COL7A1: variants seen among roughly 807,000 people sequenced by gnomAD.
COL7A1 encodes the protein collagen alpha-1(VII) chain.
Under a neutral mutation model 456.2 loss-of-function variants are expected in COL7A1, and 296 were observed. The ratio of observed to expected loss-of-function variants is 0.65; its 90% CI spans 0.59 to 0.71. COL7A1 has a LOEUF of 0.71. Among genes scored for constraint, COL7A1 ranks in the 30% least tolerant of loss-of-function variants. COL7A1 has a pLI of 0.00. For synonymous variants in COL7A1, 1,464 were observed against 1,525.9 expected (o/e 0.96, Z 0.95); for missense variants, 3,441 against 4,017.2 (o/e 0.86, Z 3.88).
intron 44 of COL7A1, 41 bp from the exon 45 acceptor site, chr3:48,582,694 A>T (rs2044857397): frequency 6.2e-7 from 1 of 1,608,212 alleles, no homozygotes; most frequent in Non-Finnish European, 8.5e-7. Flanking sequence ...GTGGGTGGGG[A>T]CGGGGGATAT....
Position 48,568,138 on chromosome 3 carries a change from G to A in COL7A1, c.7827C>T (p.Ile2609=). 2.5e-6 allele frequency: 4 copies of A among 1,614,064 alleles called. No individual in the cohort carries two copies. The highest frequency in any genetic ancestry group is 2.2e-5 in the South Asian group (2 of 91,084). ...AGCCAACATCTCCTTTTTCTCCTCG[G>A]ATACCAGGCACTCCATCCTTTCCTG... ...GSPGKDGVPG[I]RGEKGDVGFM... The change falls in exon 106 of 119, where the codon ATC becomes ATT. Residue 2609 remains isoleucine (I), a synonymous_variant. Coordinates refer to ENST00000681320, the MANE Select transcript of COL7A1 (RefSeq NM_000094.4). This position sits in a 1 kb window ranked among gnomAD's most constrained non-coding sequence, Gnocchi z 5.2.
chr3:48,565,648 C>G lies in COL7A1; in HGVS notation c.8428G>C (p.Ala2810Pro), dbSNP rs143995717. 3 of 1,613,750 alleles carry G rather than the reference C, an allele frequency of 1.9e-6. No homozygotes were observed. In the South Asian group the frequency reaches 3.3e-5, roughly 18 times the overall value. The change falls in exon 115 of 119, where the codon GCA becomes CCA. Residue 2810 changes from alanine (A) to proline (P), a missense_variant. Around this residue, in one of 3 missense-constraint regions of COL7A1, gnomAD observed 2,084 missense variants for 2,501.3 expected, o/e 0.83. Transcript: ENST00000681320. This position sits in a 1 kb window ranked among gnomAD's most constrained non-coding sequence, Gnocchi z 4.5. The part of the protein sequence containing the change: ...QHCACQGQFI[A>P]SGSRPLPSYA... ...GAAAACTACTCACGTGATCCAGATGCGATGAACTGGCCCTGGCAGGCTAGA... is the reference window on the plus strand; with the variant it reads ...GAAAACTACTCACGTGATCCAGATGGGATGAACTGGCCCTGGCAGGCTAGA...
chr3:48,578,893 C>G lies in COL7A1; in HGVS notation c.5424+26G>C, dbSNP rs756243841. On this transcript the variant is annotated intron_variant, in intron 63 of 118. Transcript: ENST00000681320. This position sits in a 1 kb window ranked among gnomAD's most constrained non-coding sequence, Gnocchi z 4.7. Reference sequence around the variant, plus strand: ...GAGCTTACGCAGCCCCGAGCCCCCTCTGTCCCAGCATCTCCCCTCACTTAC... The same window carrying G: ...GAGCTTACGCAGCCCCGAGCCCCCTGTGTCCCAGCATCTCCCCTCACTTAC... 1 of 1,611,240 alleles carries G rather than the reference C, an allele frequency of 6.2e-7. No homozygotes were observed. The highest frequency in any genetic ancestry group is 1.1e-5 in the South Asian group (1 of 90,814).
Position 48,584,717 on chromosome 3 carries a change from C to T in COL7A1, c.4047+17G>A. 6.2e-7 allele frequency: 1 copy of T among 1,614,008 alleles called. No individual in the cohort carries two copies. Among genetic ancestry groups the T allele is most frequent in the Non-Finnish European group, 8.5e-7 (1 of 1,180,018 alleles). On this transcript the variant is annotated intron_variant, in intron 35 of 118. Coordinates refer to ENST00000681320, the MANE Select transcript of COL7A1 (RefSeq NM_000094.4). ...TCCCTGGGACATCCCGGCCGCCTCCCTTCCCCCTTCACCTACCGGCTCCCC... is the reference window on the plus strand; with the variant it reads ...TCCCTGGGACATCCCGGCCGCCTCCTTTCCCCCTTCACCTACCGGCTCCCC...
rs369221071 is a variant in COL7A1 at position 48,570,303 on chromosome 3, C to A, written c.7412G>T (p.Arg2471Leu). 6.2e-7 allele frequency: 1 copy of A among 1,613,990 alleles called. No individual in the cohort carries two copies. The highest frequency in any genetic ancestry group is 8.5e-7 in the Non-Finnish European group (1 of 1,179,994). Residue 2471 changes from arginine (R) to leucine (L), a missense_variant, in exon 98 of 119, where the codon CGA (arginine) becomes CTA (leucine). This residue lies in a region of COL7A1 where 2,084 missense variants were observed against 2,501.3 expected (regional missense o/e 0.83). Coordinates refer to ENST00000681320, the MANE Select transcript of COL7A1 (RefSeq NM_000094.4). This position sits in a 1 kb window ranked among gnomAD's most constrained non-coding sequence, Gnocchi z 5.5. ...GDPGVGLPGP[R>L]GERGEPGIRG... ...GATGCCTGGCTCCCCACGCTCGCCT[C>A]GGGGCCCAGGCAGCCCTACTCCAGG...
Position 48,577,059 on chromosome 3 carries a change from A to G in COL7A1, c.5533-32T>C, listed in dbSNP as rs1560221830. On this transcript the variant is annotated intron_variant, in intron 65 of 118. Coordinates refer to ENST00000681320, the MANE Select transcript of COL7A1 (RefSeq NM_000094.4). Reference sequence around the variant, plus strand: ...GCAGAGGACTCACATCAGCCCAAACATTCACTGGTGTCTGGCTGCAAGACA... The same window carrying G: ...GCAGAGGACTCACATCAGCCCAAACGTTCACTGGTGTCTGGCTGCAAGACA... The G allele has an allele frequency of 2.5e-6, 4 of 1,613,674 alleles. No individual in the cohort carries two copies. In the South Asian group the frequency reaches 4.4e-5, roughly 18 times the overall value.
chr3:48,582,784 C>G, intron 44 of COL7A1, 131 bp from the exon 45 acceptor site: 2 of 1,174,810 alleles, frequency 1.7e-6, no homozygotes, highest in South Asian at 1.3e-5. Context: ...AGGGGTAAGA[C>G]TTGGCAGGAG....
At position 48,587,429 on chromosome 3, in the gene COL7A1, G is replaced by A; in HGVS notation, c.2983C>T (p.Pro995Ser). The A allele has an allele frequency of 6.2e-7, 1 of 1,613,236 alleles. No homozygotes were observed. The highest frequency in any genetic ancestry group is 8.5e-7 in the Non-Finnish European group (1 of 1,180,006). The change falls in exon 23 of 119, where the codon CCT becomes TCT. Residue 995 changes from proline to serine, a missense_variant. Physicochemically the swap from Pro to Ser is moderately conservative, Grantham distance 74. This residue lies in a region of COL7A1 where 444 missense variants were observed against 427.6 expected (regional missense o/e 1.04). Coordinates refer to ENST00000681320, the MANE Select transcript of COL7A1 (RefSeq NM_000094.4). The surrounding 1 kb of genome is among the most constrained non-coding windows in gnomAD (Gnocchi z 6.1). ...CTGGCCTCCCCCTCACCCTGGCCAG[G>A]GCCTCTGAGTGGCCGCCAGGATAGG... ...YILSWRPLRG[P>S]GQEVPGSPQT... is the part of the protein sequence containing the mutation.
rs2044586799 is a variant in COL7A1, at chr3:48,579,624, C to A, written c.5199G>T (p.Lys1733Asn). Residue 1733 changes from lysine (K) to asparagine (N), a missense_variant, in exon 59 of 119, where the codon AAG becomes AAT. Lys to Asn is a moderately conservative substitution (Grantham distance 94, BLOSUM62 0). Coordinates refer to ENST00000681320, the MANE Select transcript of COL7A1 (RefSeq NM_000094.4). The surrounding 1 kb of genome is among the most constrained non-coding windows in gnomAD (Gnocchi z 4.4). ...GGGCTCCAGGGAGGCCAGGATCACC[C>A]TTGGGCCCTCGAGGACCCTCTTGTC... The part of the protein sequence containing the change: ...DRGQEGPRGP[K>N]GDPGLPGAPG... 3 of 1,613,790 alleles carry A rather than the reference C, an allele frequency of 1.9e-6. No homozygotes were observed. The highest frequency in any genetic ancestry group is 2.5e-6 in the Non-Finnish European group (3 of 1,179,996).
chr3:48,579,931 G>C lies in COL7A1; in HGVS notation c.5124+100C>G. On this transcript the variant is annotated intron_variant, in intron 57 of 118. Coordinates refer to ENST00000681320, the MANE Select transcript of COL7A1 (RefSeq NM_000094.4). The surrounding 1 kb of genome is among the most constrained non-coding windows in gnomAD (Gnocchi z 4.4). ...CCGCGGAGGTTTCAGAGGGACAGTGGGGGAAGTGGGAGTTAGTGGAAGGAA... is the reference window on the plus strand; with the variant it reads ...CCGCGGAGGTTTCAGAGGGACAGTGCGGGAAGTGGGAGTTAGTGGAAGGAA... 4 of 1,605,678 alleles carry C rather than the reference G, an allele frequency of 2.5e-6. No individual in the cohort carries two copies. In the South Asian group the frequency reaches 3.3e-5, roughly 13 times the overall value.
chr3:48,571,758 C>G lies in COL7A1; in HGVS notation c.7068+243G>C. On this transcript the variant is annotated intron_variant, in intron 92 of 118. Coordinates refer to ENST00000681320, the MANE Select transcript of COL7A1 (RefSeq NM_000094.4). This position sits in a 1 kb window ranked among gnomAD's most constrained non-coding sequence, Gnocchi z 4.6. ...GAGATCAGACCAGAGCACACGTGTG[C>G]CCAGATGTGGTGAGAAACAGACCAA... The G allele has an allele frequency of 1.6e-6, 1 of 632,478 alleles. No individual in the cohort carries two copies. Among genetic ancestry groups the G allele is most frequent in the South Asian group, 1.8e-5 (1 of 54,846 alleles). The allele number at this position is 632,478 out of a possible 1,614,324, so 39.2% of individuals were successfully genotyped here. A position where few individuals can be genotyped will look rare whatever the true frequency, so the allele number is the denominator to read the frequency against.
At position 48,583,508 on chromosome 3, in the gene COL7A1, G is replaced by T. The variant is rs372346203; in HGVS notation, c.4401+48C>A. The T allele has an allele frequency of 1.3e-5, 21 of 1,613,298 alleles. No individual in the cohort carries two copies. The highest frequency in any genetic ancestry group is 1.7e-5 in the Non-Finnish European group (20 of 1,179,500). On this transcript the variant is annotated intron_variant, in intron 41 of 118. Transcript: ENST00000681320. This position sits in a 1 kb window ranked among gnomAD's most constrained non-coding sequence, Gnocchi z 5.1. ...GCAGTGGTTGATGATTGAGGTAGGG[G>T]CTGGAGCTGTGCCCACCATATTCAG...
At position 48,594,681 on chromosome 3, in the gene COL7A1, C is replaced by G. The variant is rs2045949852; in HGVS notation, c.86-133G>C. The G allele has an allele frequency of 8.9e-7, 1 of 1,123,854 alleles. No individual in the cohort carries two copies. Among genetic ancestry groups the G allele is most frequent in the African/African-American group, 1.6e-5 (1 of 64,504 alleles). The allele number at this position is 1,123,854 out of a possible 1,614,324, so 69.6% of individuals were successfully genotyped here. ...TTATGCAAACCAGGGCCGAATCGGC[C>G]TGAGCCTGAGGGCCTTGGAGGGAGT... On this transcript the variant is annotated intron_variant, in intron 2 of 118. Transcript: ENST00000681320. This position sits in a 1 kb window ranked among gnomAD's most constrained non-coding sequence, Gnocchi z 5.5.
rs2043757891 is a variant in COL7A1 at position 48,569,096 on chromosome 3, A to G, written c.7687-241T>C. On this transcript the variant is annotated intron_variant, in intron 103 of 118. Coordinates refer to ENST00000681320, the MANE Select transcript of COL7A1 (RefSeq NM_000094.4). This position sits in a 1 kb window ranked among gnomAD's most constrained non-coding sequence, Gnocchi z 4.9. ...CTCTTATCACTGGGTTCCTCATCCC[A>G]TCTGAAGCACCTTCAGATGGGGACA... Among the ~76,000 whole-genome samples the G allele has an allele frequency of 6.6e-6, 1 of 151,912 alleles. No homozygotes were observed. The highest frequency in any genetic ancestry group is 1.5e-5 in the Non-Finnish European group (1 of 67,944).
chr3:48,574,394 A>G lies in COL7A1; in HGVS notation c.6457-88T>C. 4 of 1,612,730 alleles carry G rather than the reference A, an allele frequency of 2.5e-6. No homozygotes were observed. The highest frequency in any genetic ancestry group is 3.4e-6 in the Non-Finnish European group (4 of 1,178,820). ...CCCTAGACAGAGTCAGGACCCAGAC[A>G]GTCCCAGGCAGTACAGACCCCAGCC... On this transcript the variant is annotated intron_variant, in intron 79 of 118. Transcript: ENST00000681320. The surrounding 1 kb of genome is among the most constrained non-coding windows in gnomAD (Gnocchi z 5.0).
At position 48,568,244 on chromosome 3, in the gene COL7A1, G is replaced by C; in HGVS notation, c.7795-74C>G. 6.5e-7 allele frequency: 1 copy of C among 1,530,568 alleles called. No individual in the cohort carries two copies. Among genetic ancestry groups the C allele is most frequent in the Admixed American group, 1.7e-5 (1 of 59,304 alleles). The allele number at this position is 1,530,568 out of a possible 1,614,324, so 94.8% of individuals were successfully genotyped here. On this transcript the variant is annotated intron_variant, in intron 105 of 118. Coordinates refer to ENST00000681320, the MANE Select transcript of COL7A1 (RefSeq NM_000094.4). This position sits in a 1 kb window ranked among gnomAD's most constrained non-coding sequence, Gnocchi z 5.2. ...CAAAGAGAATCGCCCTGGATAGTGGGTAGGGAACACCATGGGGTGGGAGTC... is the reference window on the plus strand; with the variant it reads ...CAAAGAGAATCGCCCTGGATAGTGGCTAGGGAACACCATGGGGTGGGAGTC...
chr3:48,595,209 C>G, intron 1 of COL7A1, 49 bp from the exon 2 acceptor site: 1 of 1,486,434 alleles, frequency 6.7e-7, no homozygotes, highest in Non-Finnish European at 9.2e-7. Flanking sequence ...GTCCCTTGCT[C>G]CCCCGTGGCC....
Position 48,571,352 on chromosome 3 carries a change from T to A in COL7A1, c.7069-74A>T. Reference sequence around the variant, plus strand: ...AGAGTTCAGACACGGGCTGAAAATATTCCCAGGGGAGTTCTGATGTGACCA... The same window carrying A: ...AGAGTTCAGACACGGGCTGAAAATAATCCCAGGGGAGTTCTGATGTGACCA... On this transcript the variant is annotated intron_variant, in intron 92 of 118. Transcript: ENST00000681320. The surrounding 1 kb of genome is among the most constrained non-coding windows in gnomAD (Gnocchi z 4.6). 1 of 1,574,510 alleles carries A rather than the reference T, an allele frequency of 6.4e-7. No individual in the cohort carries two copies. Among genetic ancestry groups the A allele is most frequent in the Non-Finnish European group, 8.7e-7 (1 of 1,146,030 alleles).
In COL7A1 at chr3:48,593,649, C is replaced by T. The variant is rs370534336; in HGVS notation, c.314G>A (p.Arg105His). 114 of 1,614,074 alleles carry T rather than the reference C, an allele frequency of 7.1e-5. No individual in the cohort carries two copies. The highest frequency in any genetic ancestry group is 8.5e-5 in the Non-Finnish European group (100 of 1,180,042). Reference protein sequence around the residue: ...DALGSGGDVIRAIRELSYKGG... With the variant: ...DALGSGGDVIHAIRELSYKGG... The stretch of plus-strand genomic sequence containing the variant: ...CTTGTAGCTAAGCTCACGGATGGCG[C>T]GGATCACATCACCCCCAGAGCCAAG... The change falls in exon 4 of 119, where the codon CGC (arginine) becomes CAC (histidine). Residue 105 changes from arginine to histidine, a missense_variant. Transcript: ENST00000681320. The surrounding 1 kb of genome is among the most constrained non-coding windows in gnomAD (Gnocchi z 4.4).
Sources: gnomAD v4.1 joint callset for allele counts (sites outside exome capture counted in the v4.1 genomes callset) on GRCh38, gnomAD v4.1.1 for gene constraint, gnomAD v4.1.1 regional missense constraint, Gnocchi (gnomAD v3.1) non-coding constraint, MANE v1.5 for transcripts, NCBI Gene and HGNC (gene_info 2026-07-23, HGNC 2026-07-21) for gene names.